The following NACC2 variants were observed in gnomAD, a reference collection of about 807,000 sequenced individuals.
NACC2 encodes the protein NACC family member 2, also known as nucleus accumbens-associated protein 2.
In NACC2, 8 loss-of-function variants were observed where a neutral mutation model predicts 25.1. That is an observed-to-expected ratio of 0.32 (90% CI 0.19 to 0.57). The LOEUF (loss-of-function observed/expected upper bound fraction) is 0.57. Ranked by LOEUF, NACC2 falls within the 20% of genes least tolerant of loss-of-function variation. NACC2 has a pLI of 0.89. For synonymous variants in NACC2, 435 were observed against 294.7 expected (o/e 1.48, Z -4.88); for missense variants, 644 against 650.2 (o/e 0.99, Z 0.10).
intron 1 of NACC2, among the ~76,000 whole-genome samples, chr9:136,085,594 G>A (rs948149824): frequency 4.6e-5 from 7 of 152,210 alleles, no homozygotes; most frequent in Non-Finnish European, 7.3e-5. Context: ...GTAAGGCCAG[G>A]AGGGGCCTGG....
In NACC2 at chr9:136,011,951, G is replaced by A. The variant is rs780858805; in HGVS notation, c.1329C>T (p.Asn443=). ...MNVIAADMCT[N]ARRVRKRWLP... ...GCCAGCGCTTGCGAACGCGGCGGGC[G>A]TTGGTGCACATGTCCGCGGCGATCA... is the stretch of plus-strand genomic sequence containing the variant. Residue 443 remains asparagine (N), a synonymous_variant, in exon 6 of 6, where the codon AAC becomes AAT. Coordinates refer to ENST00000277554, the MANE Select transcript of NACC2 (RefSeq NM_144653.5). 2.4e-5 allele frequency: 38 copies of A among 1,605,590 alleles called. No homozygotes were observed. The highest frequency in any genetic ancestry group is 5.0e-5 in the Admixed American group (3 of 59,508).
At chr9:136,033,945 T>G (rs1840514325) in intron 2 of NACC2, among the ~76,000 whole-genome samples, 1 of 147,676 alleles carries the variant, frequency 6.8e-6, no homozygotes, top group Non-Finnish European at 1.5e-5. Context: ...GTGTGTGAGA[T>G]ATTTGGCAAT....
chr9:136,091,553 C>T (rs188649685), intron 1 of NACC2, among the ~76,000 whole-genome samples: 119 of 152,314 alleles, frequency 7.8e-4, no homozygotes, highest in African/African-American at 2.3e-3. Context: ...GTGCCGGTCC[C>T]GGAGTTCATG....
chr9:136,073,495 G>A (rs1321973559), intron 1 of NACC2, among the ~76,000 whole-genome samples: 1 of 152,158 alleles, frequency 6.6e-6, no homozygotes, highest in African/African-American at 2.4e-5. Flanking sequence ...GACAGGGGGT[G>A]TGAGCGTGGA....
chr9:136,043,768 A>G (rs1564228500), intron 2 of NACC2, among the ~76,000 whole-genome samples: 1 of 152,308 alleles, frequency 6.6e-6, no homozygotes, highest in East Asian at 1.9e-4. Context: ...GCAACATTGC[A>G]CTTGATTGCA....
At chr9:136,089,591 TCCC>T (rs900628219) in intron 1 of NACC2, among the ~76,000 whole-genome samples, 4 of 148,988 alleles carry the variant, frequency 2.7e-5, no homozygotes, top group African/African-American at 7.4e-5. Flanking sequence ...CCTCTGAGGC[TCCC>T]CCAACTCATG....
At chr9:136,090,990 C>T (rs1260321198) in intron 1 of NACC2, among the ~76,000 whole-genome samples, 3 of 152,324 alleles carry the variant, frequency 2.0e-5, no homozygotes, top group African/African-American at 7.2e-5. Flanking sequence ...AGCTCGCGGC[C>T]GCCCATGGCC....
At chr9:136,030,338 G>C (rs6537926) in intron 2 of NACC2, among the ~76,000 whole-genome samples, 2 of 152,002 alleles carry the variant, frequency 1.3e-5, no homozygotes, top group Admixed American at 6.5e-5. Context: ...GGCCGGGCGC[G>C]GTGGCTCACG....
intron 1 of NACC2, among the ~76,000 whole-genome samples, chr9:136,074,899 C>T (rs1435156555): frequency 3.9e-5 from 6 of 152,200 alleles, no homozygotes; most frequent in Non-Finnish European, 2.9e-5. Flanking sequence ...TCGGCAGGGC[C>T]GGGGGATGCT....
chr9:136,060,139 G>A (rs1840987799), intron 1 of NACC2, among the ~76,000 whole-genome samples: 1 of 152,246 alleles, frequency 6.6e-6, no homozygotes, highest in Admixed American at 6.5e-5. Context: ...AGGAAGTACG[G>A]ATAATGTAGT....
rs528950868 is a variant in NACC2 at position 136,015,307 on chromosome 9, G to A, written c.1051+958C>T. On this transcript the variant is annotated intron_variant, in intron 3 of 5. Transcript: ENST00000277554. ...CCCCAGGGGCCCACCCAGCCGCCCC[G>A]GCAGCCCAGCACTGCGCTCGCCATC... is the stretch of plus-strand genomic sequence containing the variant. 1.8e-4 allele frequency among the ~76,000 whole-genome samples: 28 copies of A among 152,320 alleles called. No homozygotes were observed. In the East Asian group the frequency reaches 5.2e-3, roughly 28 times the overall value.
intron 3 of NACC2, among the ~76,000 whole-genome samples, chr9:136,014,299 A>G (rs13298848): frequency 0.74 from 112,190 of 151,388 alleles, 41,785 homozygotes; most frequent in African/African-American, 0.8. Context: ...CTCCCTCCCC[A>G]AGAACACACT....
chr9:136,031,693 T>TA (rs1232720601), intron 2 of NACC2, among the ~76,000 whole-genome samples: 3 of 152,228 alleles, frequency 2.0e-5, no homozygotes, highest in African/African-American at 7.2e-5. Flanking sequence ...AACTTTTCCT[T>TA]AAAGCAAAAT....
Position 136,086,148 on chromosome 9 carries a change from C to A in NACC2, c.-60+9041G>T, listed in dbSNP as rs1221124288. ...GTCACCCCTGGGGACCCTTGTTGGACATTCTAAAAACCTTCAGAAGCCACT... is the reference window on the plus strand; with the variant it reads ...GTCACCCCTGGGGACCCTTGTTGGAAATTCTAAAAACCTTCAGAAGCCACT... On this transcript the variant is annotated intron_variant, in intron 1 of 5. Transcript: ENST00000277554. This position sits in a 1 kb window ranked among gnomAD's most constrained non-coding sequence, Gnocchi z 5.6. Among the ~76,000 whole-genome samples the A allele has an allele frequency of 6.6e-6, 1 of 152,242 alleles. No individual in the cohort carries two copies. Among genetic ancestry groups the A allele is most frequent in the African/African-American group, 2.4e-5 (1 of 41,470 alleles).
rs1453922043 is a variant in NACC2, at chr9:136,049,892, C to T, written c.630G>A (p.Ala210=). 6 of 590,642 alleles carry T rather than the reference C, an allele frequency of 1.0e-5. No homozygotes were observed. Among genetic ancestry groups the T allele is most frequent in the African/African-American group, 7.8e-5 (4 of 51,100 alleles). The allele number at this position is 590,642 out of a possible 1,614,324, so 36.6% of individuals were successfully genotyped here. A position where few individuals can be genotyped will look rare whatever the true frequency, so the allele number is the denominator to read the frequency against. The change falls in exon 2 of 6, where the codon GCG becomes GCA. Residue 210 remains alanine (A), a synonymous_variant. Transcript: ENST00000277554. ...GVAVAAGAAV[A]AGTAPLKLPR... ...GCAGTTTGAGAGGGGCTGTGCCCGCCGCCACCGCAGCCCCCGCGGCCACCG... is the reference window on the plus strand; with the variant it reads ...GCAGTTTGAGAGGGGCTGTGCCCGCTGCCACCGCAGCCCCCGCGGCCACCG...
At chr9:136,052,792 G>GC (rs1374245106) in intron 1 of NACC2, among the ~76,000 whole-genome samples, 2 of 152,250 alleles carry the variant, frequency 1.3e-5, no homozygotes, top group African/African-American at 4.8e-5. Flanking sequence ...CACACAGGCT[G>GC]CACCTCCTGC....
chr9:136,050,370 C>T lies in NACC2; in HGVS notation c.152G>A (p.Ser51Asn). The T allele has an allele frequency of 1.3e-6, 1 of 750,106 alleles. No homozygotes were observed. Among genetic ancestry groups the T allele is most frequent in the Non-Finnish European group, 2.4e-6 (1 of 409,366 alleles). The allele number at this position is 750,106 out of a possible 1,614,324, so 46.5% of individuals were successfully genotyped here. The change falls in exon 2 of 6, where the codon AGC becomes AAC. Residue 51 changes from serine to asparagine, a missense_variant. By Grantham distance (46) the Ser-to-Asn change is conservative. Coordinates refer to ENST00000277554, the MANE Select transcript of NACC2 (RefSeq NM_144653.5). ...FKAHRAVLAA[S>N]SLYFRDLFSG... Reference sequence around the variant, plus strand: ...GAACAGGTCGCGGAAGTAGAGGCTGCTGGCGGCCAGCACCGCCCGGTGGGC... The same window carrying T: ...GAACAGGTCGCGGAAGTAGAGGCTGTTGGCGGCCAGCACCGCCCGGTGGGC...
rs112453020 is a variant in NACC2 at position 136,019,619 on chromosome 9, G to C, written c.887-3190C>G. 1.3e-5 allele frequency: 2 copies of C among 152,338 alleles called. No homozygotes were observed. The highest frequency in any genetic ancestry group is 2.9e-5 in the Non-Finnish European group (2 of 68,128). 9.4% of individuals were successfully genotyped at this position (152,338 alleles called of 1,614,324 possible). The stretch of plus-strand genomic sequence containing the variant: ...GTGAACAACCGCGCCCCCACACAGG[G>C]AAGGTGCACCAGGGTCACGACGAGA... On this transcript the variant is annotated intron_variant, in intron 2 of 5. Transcript: ENST00000277554. This position sits in a 1 kb window ranked among gnomAD's most constrained non-coding sequence, Gnocchi z 5.2.
chr9:136,024,388 AGAGG>A (rs1490782451), intron 2 of NACC2, among the ~76,000 whole-genome samples: 10 of 121,750 alleles, frequency 8.2e-5, no homozygotes, highest in Non-Finnish European at 1.7e-4. Context: ...GTGTGAGGAC[AGAGG>A]GTGTGTGAGG....
Sources: gnomAD v4.1 joint callset for allele counts (sites outside exome capture counted in the v4.1 genomes callset) on GRCh38, gnomAD v4.1.1 for gene constraint, Gnocchi (gnomAD v3.1) non-coding constraint, MANE v1.5 for transcripts, NCBI Gene and HGNC (gene_info 2026-07-23, HGNC 2026-07-21) for gene names.